The following RNF4 variants were observed in gnomAD, a reference collection of about 807,000 sequenced individuals.
RNF4 encodes E3 ubiquitin-protein ligase RNF4.
A neutral mutation model predicts 24.3 loss-of-function variants in RNF4; 7 were observed. That is an observed-to-expected ratio of 0.29 (90% CI 0.16 to 0.54). The LOEUF is 0.54. Ranked by LOEUF, RNF4 falls within the 20% of genes least tolerant of loss-of-function variation. The pLI, the probability that RNF4 is intolerant of heterozygous loss-of-function variation, is 0.95. For missense variants in RNF4, 209 were observed against 248.5 expected (o/e 0.84, Z 1.07); for synonymous variants, 83 against 84.3 (o/e 0.98, Z 0.09).
intron 4 of RNF4, among the ~76,000 whole-genome samples, chr4:2,506,881 T>C (rs1450416735): frequency 6.6e-6 from 1 of 152,198 alleles, no homozygotes. Flanking sequence ...TGGGTCACTT[T>C]TCATGAGCAT....
At chr4:2,482,737 C>G (rs962159168) in intron 1 of RNF4, among the ~76,000 whole-genome samples, 1 of 152,188 alleles carries the variant, frequency 6.6e-6, no homozygotes, top group African/African-American at 2.4e-5. Flanking sequence ...TGAGCATAGT[C>G]TGCTGCTTTC....
At chr4:2,471,910 TGAG>T (rs1734920007) in intron 1 of RNF4, among the ~76,000 whole-genome samples, 1 of 152,182 alleles carries the variant, frequency 6.6e-6, no homozygotes, top group African/African-American at 2.4e-5. Context: ...AAGTGTAAGG[TGAG>T]GCAGTAAGTG....
chr4:2,499,886 G>A (rs1735855614), intron 3 of RNF4, among the ~76,000 whole-genome samples: 1 of 152,194 alleles, frequency 6.6e-6, no homozygotes, highest in African/African-American at 2.4e-5. Flanking sequence ...GCCGGGCACG[G>A]TGGCTCACGC....
intron 3 of RNF4, among the ~76,000 whole-genome samples, chr4:2,497,779 C>T (rs1735782356): frequency 6.6e-6 from 1 of 152,114 alleles, no homozygotes; most frequent in Non-Finnish European, 1.5e-5. Flanking sequence ...GGACTATAGG[C>T]ACCCGCCACC....
chr4:2,496,250 A>G (rs1273630067), intron 2 of RNF4, among the ~76,000 whole-genome samples: 2 of 152,208 alleles, frequency 1.3e-5, no homozygotes, highest in Non-Finnish European at 2.9e-5. Flanking sequence ...TAAGCTTTCC[A>G]CAATGTATAG....
intron 4 of RNF4, among the ~76,000 whole-genome samples, chr4:2,508,542 G>T (rs1452080212): frequency 1.3e-5 from 2 of 152,198 alleles, no homozygotes; most frequent in Non-Finnish European, 2.9e-5. Context: ...TGAGAGGCCA[G>T]GCTGTGGTCG....
intron 4 of RNF4, among the ~76,000 whole-genome samples, chr4:2,502,025 T>C (rs1000158727): frequency 1.3e-5 from 2 of 152,182 alleles, no homozygotes; most frequent in African/African-American, 4.8e-5. Context: ...CATACACACA[T>C]ATGACTTTGC....
At chr4:2,510,653 T>C (rs1227482481) in intron 4 of RNF4, among the ~76,000 whole-genome samples, 1 of 152,218 alleles carries the variant, frequency 6.6e-6, no homozygotes, top group East Asian at 1.9e-4. Flanking sequence ...GGATTAGAGC[T>C]TCTTGTCACT....
Position 2,512,718 on chromosome 4 carries a change from A to C in RNF4, c.374+121A>C. On this transcript the variant is annotated intron_variant, in intron 6 of 7. Coordinates refer to ENST00000314289, the MANE Select transcript of RNF4 (RefSeq NM_002938.5). The surrounding 1 kb of genome is among the most constrained non-coding windows in gnomAD (Gnocchi z 4.1). ...GAAGGGCTTGCCCAAGCCTCTACCC[A>C]GCATCTGGATACAGTTGGAACTGGG... is the stretch of plus-strand genomic sequence containing the variant. The C allele has an allele frequency of 2.6e-6, 3 of 1,155,312 alleles. No individual in the cohort carries two copies. Among genetic ancestry groups the C allele is most frequent in the Non-Finnish European group, 3.6e-6 (3 of 828,298 alleles). 71.6% of individuals were successfully genotyped at this position (1,155,312 alleles called of 1,614,324 possible).
intron 4 of RNF4, among the ~76,000 whole-genome samples, chr4:2,510,788 G>A (rs1368254271): frequency 1.3e-5 from 2 of 152,160 alleles, no homozygotes; most frequent in African/African-American, 4.8e-5. Context: ...CGTTCCACTG[G>A]CCCCCCTAGA....
At chr4:2,469,680 T>G (rs1248813597) in intron 1 of RNF4, 1 of 152,336 alleles carries the variant, frequency 6.6e-6, no homozygotes, top group Non-Finnish European at 1.5e-5. Flanking sequence ...CGCCCCGCCA[T>G]CGTGGGGCCT....
intron 3 of RNF4, among the ~76,000 whole-genome samples, chr4:2,499,915 G>A (rs1044563716): frequency 6.6e-6 from 1 of 152,146 alleles, no homozygotes; most frequent in Non-Finnish European, 1.5e-5. Flanking sequence ...CCAACACTTT[G>A]GAAGACTGAA....
Position 2,512,557 on chromosome 4 carries a change from A to G in RNF4, c.334A>G (p.Thr112Ala). 1 of 1,613,728 alleles carries G rather than the reference A, an allele frequency of 6.2e-7. No individual in the cohort carries two copies. Among genetic ancestry groups the G allele is most frequent in the Non-Finnish European group, 8.5e-7 (1 of 1,179,780 alleles). Residue 112 changes from threonine (T) to alanine (A), a missense_variant, in exon 6 of 8, where the codon ACT (threonine) becomes GCT (alanine). Physicochemically the swap from Thr to Ala is moderately conservative, Grantham distance 58. Coordinates refer to ENST00000314289, the MANE Select transcript of RNF4 (RefSeq NM_002938.5). The surrounding 1 kb of genome is among the most constrained non-coding windows in gnomAD (Gnocchi z 4.1). ...RDRDVYVTTH[T>A]PRNARDEGAT... is the part of the protein sequence containing the mutation. ...CAGAGACGTATATGTGACTACCCATACTCCCAGAAACGCCAGGGATGAGGG... is the reference window on the plus strand; with the variant it reads ...CAGAGACGTATATGTGACTACCCATGCTCCCAGAAACGCCAGGGATGAGGG...
At chr4:2,499,387 C>T (rs1334918303) in intron 3 of RNF4, 3 of 408,844 alleles carry the variant, frequency 7.3e-6, no homozygotes, top group Non-Finnish European at 1.5e-5. Context: ...AGCAATTCTC[C>T]TGCCTCAGCC....
intron 2 of RNF4, among the ~76,000 whole-genome samples, chr4:2,491,968 G>A (rs1735593695): frequency 1.3e-5 from 2 of 151,652 alleles, no homozygotes; most frequent in African/African-American, 4.8e-5. Context: ...GGAGGCCGAG[G>A]TGGGCGGATC....
intron 1 of RNF4, among the ~76,000 whole-genome samples, chr4:2,475,669 A>G (rs1393530590): frequency 6.6e-6 from 1 of 152,204 alleles, no homozygotes; most frequent in Non-Finnish European, 1.5e-5. Context: ...AAAGTTTTGT[A>G]GACTGGGTCT....
At chr4:2,498,894 TAAATA>T (rs1735821160) in intron 3 of RNF4, among the ~76,000 whole-genome samples, 2 of 142,126 alleles carry the variant, frequency 1.4e-5, no homozygotes, top group African/African-American at 2.6e-5. Flanking sequence ...ACCTAAAAAA[TAAATA>T]AAAGAAGTTA....
chr4:2,509,419 T>C (rs1736202065), intron 4 of RNF4, among the ~76,000 whole-genome samples: 1 of 152,022 alleles, frequency 6.6e-6, no homozygotes, highest in South Asian at 2.1e-4. Context: ...GGTTTCACCA[T>C]GTTGGTCAGG....
At chr4:2,501,135 T>G (rs1735897806) in intron 4 of RNF4, among the ~76,000 whole-genome samples, 1 of 152,208 alleles carries the variant, frequency 6.6e-6, no homozygotes, top group Non-Finnish European at 1.5e-5. Flanking sequence ...GCATGTGACT[T>G]AGCCTCATTC....
Sources: allele counts gnomAD v4.1 joint callset (sites outside exome capture counted in the v4.1 genomes callset), GRCh38; gene constraint gnomAD v4.1.1; non-coding constraint Gnocchi (gnomAD v3.1); transcripts MANE v1.5; gene names NCBI Gene and HGNC (gene_info 2026-07-23, HGNC 2026-07-21).